PDE4D: variants seen among roughly 807,000 people sequenced by gnomAD.
PDE4D encodes the protein 3',5'-cyclic-AMP phosphodiesterase 4D.
Under a neutral mutation model 87.4 loss-of-function variants are expected in PDE4D, and 24 were observed. The observed-to-expected ratio is 0.27, with a 90% confidence interval of 0.20 to 0.39. The LOEUF (loss-of-function observed/expected upper bound fraction) is 0.39. Among genes scored for constraint, PDE4D ranks in the 10% least tolerant of loss-of-function variants. The pLI is 1.00. For missense variants in PDE4D, 714 were observed against 1,041.0 expected, an observed-to-expected ratio of 0.69 and a Z score of 4.32; for synonymous variants, 384 against 383.2, an observed-to-expected ratio of 1.00 and a Z score of -0.02.
At chr5:60,217,198 G>T (rs896711519) in intron 1 of PDE4D, among the ~76,000 whole-genome samples, 2 of 151,958 alleles carry the variant, frequency 1.3e-5, no homozygotes, top group Non-Finnish European at 2.9e-5. Flanking sequence ...TACATACTTA[G>T]AGTAGTCAAA....
At chr5:59,783,606 T>C (rs1026642276) in intron 1 of PDE4D, among the ~76,000 whole-genome samples, 1 of 152,246 alleles carries the variant, frequency 6.6e-6, no homozygotes, top group Non-Finnish European at 1.5e-5. Flanking sequence ...TCACTTGGGA[T>C]GTCCTAGTCT....
chr5:60,216,506 T>C (rs1666511782), intron 1 of PDE4D, among the ~76,000 whole-genome samples: 1 of 152,098 alleles, frequency 6.6e-6, no homozygotes, highest in African/African-American at 2.4e-5. Context: ...ATTGGCAGCA[T>C]AGATTAAAAA....
In PDE4D at chr5:59,410,852, T is replaced by C. The variant is rs139826928; in HGVS notation, c.456-194884A>G. 2.0e-5 allele frequency among the ~76,000 whole-genome samples: 3 copies of C among 152,230 alleles called. No individual in the cohort carries two copies. The East Asian group carries it at 5.8e-4, about 29-fold the overall frequency. On this transcript the variant is annotated intron_variant, in intron 1 of 14. Transcript: ENST00000340635. The stretch of plus-strand genomic sequence containing the variant: ...TAGACAATTTTTATAGAAAAACAAT[T>C]TTTCTATCTCCTCTCTTGGCATTAT...
chr5:59,176,794 C>A (rs6863716), intron 5 of PDE4D, among the ~76,000 whole-genome samples: 13,112 of 152,116 alleles, frequency 0.086, 685 homozygotes, highest in African/African-American at 0.14. Context: ...AAAGTGAGTT[C>A]TTAGACTTAG....
intron 5 of PDE4D, among the ~76,000 whole-genome samples, chr5:59,125,644 G>A (rs776927544): frequency 9.9e-5 from 15 of 152,156 alleles, no homozygotes; most frequent in Non-Finnish European, 2.2e-4. Flanking sequence ...TGGGAAGAAG[G>A]GAGAAAGTCT....
At chr5:59,633,385 GAACCTCACA>G (rs1831822434) in intron 1 of PDE4D, among the ~76,000 whole-genome samples, 1 of 152,080 alleles carries the variant, frequency 6.6e-6, no homozygotes, top group African/African-American at 2.4e-5. Context: ...AAAATACAGA[GAACCTCACA>G]AAGATACTCC....
chr5:59,946,627 T>A (rs1263056355), intron 3 of PDE4D, among the ~76,000 whole-genome samples: 1 of 152,230 alleles, frequency 6.6e-6, no homozygotes, highest in African/African-American at 2.4e-5. Flanking sequence ...TTGCTCTAGC[T>A]GTGGAGTCCT....
chr5:59,959,605 G>T (rs1019172692), intron 3 of PDE4D, among the ~76,000 whole-genome samples: 2 of 151,980 alleles, frequency 1.3e-5, no homozygotes, highest in Non-Finnish European at 2.9e-5. Flanking sequence ...AAATAAGCAG[G>T]GGGGAAGGGA....
chr5:60,420,696 A>G (rs370713687), intron 1 of PDE4D, among the ~76,000 whole-genome samples: 1 of 152,174 alleles, frequency 6.6e-6, no homozygotes, highest in East Asian at 1.9e-4. Context: ...ATTGGGACTG[A>G]TTGGACAGTG....
At chr5:58,979,289 A>G (rs2153313971) in intron 11 of PDE4D, among the ~76,000 whole-genome samples, 2 of 152,300 alleles carry the variant, frequency 1.3e-5, no homozygotes. Context: ...CTGACACTTA[A>G]AGAGTCCAGA....
intron 1 of PDE4D, among the ~76,000 whole-genome samples, chr5:60,199,522 G>C (rs77466258): frequency 0.017 from 2,604 of 151,746 alleles, 104 homozygotes; most frequent in African/African-American, 0.059. Flanking sequence ...ATGGAAAATG[G>C]CAATTTCTTT....
chr5:60,263,367 C>G (rs1749851570), intron 1 of PDE4D, among the ~76,000 whole-genome samples: 1 of 152,210 alleles, frequency 6.6e-6, no homozygotes, highest in Non-Finnish European at 1.5e-5. Context: ...ACCACAGCCT[C>G]CATGTAAATT....
intron 1 of PDE4D, among the ~76,000 whole-genome samples, chr5:59,511,083 T>G (rs1810214560): frequency 6.6e-6 from 1 of 151,932 alleles, no homozygotes; most frequent in South Asian, 2.1e-4. Flanking sequence ...CAAATATGAT[T>G]GTAGAATTTG....
At chr5:60,391,397 C>A (rs1762553570) in intron 1 of PDE4D, among the ~76,000 whole-genome samples, 1 of 152,134 alleles carries the variant, frequency 6.6e-6, no homozygotes, top group African/African-American at 2.4e-5. Context: ...GTTTATCATG[C>A]CACAGTTCCA....
At chr5:59,341,168 C>T (rs1778656965) in intron 1 of PDE4D, among the ~76,000 whole-genome samples, 1 of 152,138 alleles carries the variant, frequency 6.6e-6, no homozygotes, top group Non-Finnish European at 1.5e-5. Flanking sequence ...TTGGACAGCA[C>T]AGGCCTAGAT....
chr5:59,796,532 G>T (rs1050548325), intron 1 of PDE4D, among the ~76,000 whole-genome samples: 1 of 152,256 alleles, frequency 6.6e-6, no homozygotes, highest in Non-Finnish European at 1.5e-5. Flanking sequence ...TGTCCTCTTG[G>T]AGGCCATACC....
At chr5:59,006,459 CTGAGGTG>C in intron 6 of PDE4D, among the ~76,000 whole-genome samples, 1 of 151,728 alleles carries the variant, frequency 6.6e-6, no homozygotes, top group East Asian at 1.9e-4. Context: ...CCAGATACTA[CTGAGGTG>C]GGAGGTGGGA....
At chr5:59,158,619 G>T (rs1272568898) in intron 5 of PDE4D, among the ~76,000 whole-genome samples, 1 of 152,164 alleles carries the variant, frequency 6.6e-6, no homozygotes, top group Non-Finnish European at 1.5e-5. Context: ...GACTAAAGAA[G>T]ATAAAGGCAA....
Position 59,411,359 on chromosome 5 carries a change from AC to A in PDE4D, c.456-195392del, listed in dbSNP as rs546558840. ...GACACTTTATTGTCTTCTATTCTTT[AC>A]CGTCATTTGACAAGAGGGCTTTCAA... On this transcript the variant is annotated intron_variant, in intron 1 of 14. Transcript: ENST00000340635. Among the ~76,000 whole-genome samples the A allele has an allele frequency of 2.1e-4, 32 of 152,196 alleles. No homozygotes were observed. The East Asian group carries it at 6.2e-3, about 29-fold the overall frequency.
Sources: gnomAD v4.1 joint callset for allele counts (sites outside exome capture counted in the v4.1 genomes callset) on GRCh38, gnomAD v4.1.1 for gene constraint, MANE v1.5 for transcripts, NCBI Gene and HGNC (gene_info 2026-07-23, HGNC 2026-07-21) for gene names.